RERE: variants seen among roughly 807,000 people sequenced by gnomAD.
The protein encoded by RERE is arginine-glutamic acid dipeptide repeats.
RERE carries 40 observed loss-of-function variants against 146.1 expected under a neutral mutation model. The observed-to-expected ratio is 0.27, with a 90% CI of 0.21 to 0.36. The LOEUF is 0.36. Among genes scored for constraint, RERE ranks in the 10% least tolerant of loss-of-function variants. RERE has a pLI of 1.00. For synonymous variants in RERE, 1,003 were observed against 866.0 expected (o/e 1.16, Z -2.78); for missense variants, 1,933 against 2,138.7 (o/e 0.90, Z 1.90).
At chr1:8,447,817 C>T (rs181242257) in intron 11 of RERE, among the ~76,000 whole-genome samples, 2 of 152,318 alleles carry the variant, frequency 1.3e-5, no homozygotes, top group Admixed American at 1.3e-4. Context: ...CCTCCAGATC[C>T]AACTCGAGCC....
At position 8,545,982 on chromosome 1, in the gene RERE, C is replaced by CTTTTTTTTTTTTTTTTTTTTTT. The variant is rs3050828; in HGVS notation, c.726-4686_726-4665dup. On this transcript the variant is annotated intron_variant, in intron 6 of 22. Coordinates refer to ENST00000400908, the MANE Select transcript of RERE (RefSeq NM_001042681.2). ...ACAGGTGCAAGCTACCATACCCAGT[C>CTTTTTTTTTTTTTTTTTTTTTT]TTTTTTTTTTTTTTTTTTTTTTTTT... Among the ~76,000 whole-genome samples, 21 of 69,478 alleles carry CTTTTTTTTTTTTTTTTTTTTTT rather than the reference C, an allele frequency of 3.0e-4. 1 individual carries two copies. Among genetic ancestry groups the CTTTTTTTTTTTTTTTTTTTTTT allele is most frequent in the African/African-American group, 1.2e-3 (20 of 16,698 alleles). 45.6% of individuals were successfully genotyped at this position (69,478 alleles called of 152,430 possible).
At chr1:8,609,122 G>A (rs1557432470) in intron 4 of RERE, among the ~76,000 whole-genome samples, 1 of 151,988 alleles carries the variant, frequency 6.6e-6, no homozygotes, top group Non-Finnish European at 1.5e-5. Context: ...GGAGGCTGAG[G>A]CAAGAGAACT....
chr1:8,679,693 C>G (rs1427907878), intron 1 of RERE, among the ~76,000 whole-genome samples: 2 of 152,198 alleles, frequency 1.3e-5, no homozygotes, highest in Non-Finnish European at 2.9e-5. Context: ...ATAATAAAAA[C>G]AAAGCTTCAA....
chr1:8,743,501 C>T (rs1287306325), intron 1 of RERE, among the ~76,000 whole-genome samples: 1 of 150,426 alleles, frequency 6.6e-6, no homozygotes, highest in Non-Finnish European at 1.5e-5. Flanking sequence ...CTCCTGGCCC[C>T]AAGGAATCCT....
chr1:8,446,120 A>G (rs910068750), intron 11 of RERE, among the ~76,000 whole-genome samples: 1 of 152,184 alleles, frequency 6.6e-6, no homozygotes. Context: ...TCTTTCGCTT[A>G]TGAAGCTTAG....
Position 8,359,869 on chromosome 1 carries a change from CT to C in RERE, c.3512del (p.Lys1171SerfsTer86). ...KKREEAIEKA[K>X]REAEQKAREE... ...CTCGGGCTTTCTGCTCAGCCTCGCG[CT>C]TGGCCTTCTCAATGGCCTCCTCCCT... On this transcript the variant is annotated frameshift_variant, in exon 19 of 23. Transcript: ENST00000400908. LOFTEE classifies it high-confidence loss of function. The C allele has an allele frequency of 6.2e-7, 1 of 1,612,776 alleles. No homozygotes were observed. Among genetic ancestry groups the C allele is most frequent in the Non-Finnish European group, 8.5e-7 (1 of 1,180,032 alleles).
chr1:8,447,807 C>T (rs1446206777), intron 11 of RERE, among the ~76,000 whole-genome samples: 1 of 152,236 alleles, frequency 6.6e-6, no homozygotes, highest in Admixed American at 6.5e-5. Flanking sequence ...TGCCACCCCA[C>T]CTCCAGATCC....
intron 2 of RERE, among the ~76,000 whole-genome samples, chr1:8,643,193 AG>A (rs1647204179): frequency 6.6e-6 from 1 of 152,200 alleles, no homozygotes; most frequent in Admixed American, 6.5e-5. Context: ...GAAGGTGGAA[AG>A]TTAAGAGGTA....
chr1:8,419,495 C>T (rs1643864728), intron 12 of RERE, among the ~76,000 whole-genome samples: 1 of 152,198 alleles, frequency 6.6e-6, no homozygotes, highest in South Asian at 2.1e-4. Context: ...TAACTAGTTG[C>T]TGCCCTCCAA....
At chr1:8,416,564 C>T (rs1273805327) in intron 12 of RERE, among the ~76,000 whole-genome samples, 31 of 127,358 alleles carry the variant, frequency 2.4e-4, no homozygotes, top group Admixed American at 1.6e-3. Context: ...CCAGCCTGGG[C>T]GACAGAGCGA....
chr1:8,529,580 G>A (rs927519083), intron 7 of RERE, among the ~76,000 whole-genome samples: 9 of 151,590 alleles, frequency 5.9e-5, no homozygotes, highest in Non-Finnish European at 1.0e-4. Context: ...GATTACAGGC[G>A]TGAGCCACCA....
intron 8 of RERE, among the ~76,000 whole-genome samples, chr1:8,503,739 T>C (rs1645212810): frequency 6.6e-6 from 1 of 152,140 alleles, no homozygotes; most frequent in Non-Finnish European, 1.5e-5. Context: ...ATGCAACAAT[T>C]GAGCTGGTTC....
At chr1:8,463,672 C>T (rs914205119) in intron 11 of RERE, among the ~76,000 whole-genome samples, 1 of 151,854 alleles carries the variant, frequency 6.6e-6, no homozygotes, top group African/African-American at 2.4e-5. Context: ...CCATGGCTAG[C>T]GAGGGGCTGG....
chr1:8,453,098 T>C (rs569620020), intron 11 of RERE, among the ~76,000 whole-genome samples: 13 of 152,264 alleles, frequency 8.5e-5, no homozygotes, highest in African/African-American at 3.1e-4. Context: ...AGGAAGGGAA[T>C]GTGAGCTGAT....
chr1:8,699,992 G>A (rs187067142), intron 1 of RERE, among the ~76,000 whole-genome samples: 84 of 152,202 alleles, frequency 5.5e-4, no homozygotes, highest in South Asian at 1.0e-3. Flanking sequence ...TTGTTTCTAC[G>A]ACTTTTGCTC....
intron 1 of RERE, among the ~76,000 whole-genome samples, chr1:8,756,157 A>G (rs919072844): frequency 3.3e-5 from 5 of 152,188 alleles, no homozygotes; most frequent in Admixed American, 6.5e-5. Flanking sequence ...ATTTAAAAAT[A>G]AAGTAAAAAA....
intron 4 of RERE, among the ~76,000 whole-genome samples, chr1:8,576,181 A>C (rs552705936): frequency 2.0e-5 from 3 of 151,672 alleles, no homozygotes; most frequent in Non-Finnish European, 4.4e-5. Context: ...GTAAAGGGGT[A>C]TTTATTTGGC....
intron 11 of RERE, among the ~76,000 whole-genome samples, chr1:8,446,125 G>C (rs1457740017): frequency 6.6e-6 from 1 of 152,146 alleles, no homozygotes; most frequent in Non-Finnish European, 1.5e-5. Context: ...CGCTTATGAA[G>C]CTTAGTTTGG....
chr1:8,538,617 T>C (rs1199139530), intron 7 of RERE, among the ~76,000 whole-genome samples: 1 of 152,230 alleles, frequency 6.6e-6, no homozygotes, highest in Non-Finnish European at 1.5e-5. Flanking sequence ...TACAACGGCC[T>C]TTACACTTCA....
Sources: gnomAD v4.1 joint callset for allele counts (sites outside exome capture counted in the v4.1 genomes callset) on GRCh38, gnomAD v4.1.1 for gene constraint, MANE v1.5 for transcripts, NCBI Gene and HGNC (gene_info 2026-07-23, HGNC 2026-07-21) for gene names.